Variants in MFSD2B observed in about 807,000 individuals in gnomAD.
MFSD2B encodes the protein sphingosine-1-phosphate transporter MFSD2B.
MFSD2B carries 56 observed loss-of-function variants against 58.4 expected under a neutral mutation model. The ratio of observed to expected loss-of-function variants is 0.96; its 90% CI spans 0.77 to 1.20. The LOEUF (loss-of-function observed/expected upper bound fraction) is 1.20, where lower values mean the gene tolerates loss of function less well. Ranked by LOEUF, MFSD2B falls within the 50% of genes most tolerant of loss-of-function variation. The probability of loss-of-function intolerance (pLI) is 0.00; values close to 1 mark genes in which losing one functional copy is unlikely to be tolerated. For missense variants in MFSD2B, 645 were observed against 667.6 expected (o/e 0.97, Z 0.37); for synonymous variants, 287 against 294.4 (o/e 0.97, Z 0.26).
Position 24,017,663 on chromosome 2 carries a change from T to C in MFSD2B, c.681+75T>C. ...GGTCACCTCCTTCCTCTAGGGCTGG[T>C]TCTCCCGTCCACACCACTTTGTTGT... On this transcript the variant is annotated intron_variant, in intron 6 of 13. Coordinates refer to ENST00000338315, the MANE Select transcript of MFSD2B (RefSeq NM_001346880.2). The surrounding 1 kb of genome is among the most constrained non-coding windows in gnomAD (Gnocchi z 4.8). 1 of 1,447,052 alleles carries C rather than the reference T, an allele frequency of 6.9e-7. No homozygotes were observed. The highest frequency in any genetic ancestry group is 9.3e-7 in the Non-Finnish European group (1 of 1,079,934). The allele number at this position is 1,447,052 out of a possible 1,614,324, so 89.6% of individuals were successfully genotyped here.
chr2:24,013,817 T>C (rs1242423691), intron 2 of MFSD2B, among the ~76,000 whole-genome samples: 2 of 151,662 alleles, frequency 1.3e-5, no homozygotes, highest in African/African-American at 2.4e-5. Flanking sequence ...TTTATGTGTT[T>C]ATATGTGGCC....
At position 24,022,981 on chromosome 2, in the gene MFSD2B, T is replaced by G; in HGVS notation, c.1059+79T>G. ...AGGTGACCTTGGTGCCTGAGCCTCC[T>G]GGGGCCAGCAGGGGTGGATCTGTGT... On this transcript the variant is annotated intron_variant, in intron 10 of 13. Coordinates refer to ENST00000338315, the MANE Select transcript of MFSD2B (RefSeq NM_001346880.2). The surrounding 1 kb of genome is among the most constrained non-coding windows in gnomAD (Gnocchi z 4.5). 6.9e-7 allele frequency: 1 copy of G among 1,439,452 alleles called. No individual in the cohort carries two copies. Among genetic ancestry groups the G allele is most frequent in the Non-Finnish European group, 9.6e-7 (1 of 1,037,080 alleles). The allele number at this position is 1,439,452 out of a possible 1,614,324, so 89.2% of individuals were successfully genotyped here.
chr2:24,021,524 C>T lies in MFSD2B; in HGVS notation c.682-124C>T, dbSNP rs1249200777. 5.4e-5 allele frequency: 44 copies of T among 813,368 alleles called. No individual in the cohort carries two copies. In the Admixed American group the frequency reaches 8.2e-4, roughly 15 times the overall value. The allele number at this position is 813,368 out of a possible 1,614,324, so 50.4% of individuals were successfully genotyped here. A position where few individuals can be genotyped will look rare whatever the true frequency, so the allele number is the denominator to read the frequency against. On this transcript the variant is annotated intron_variant, in intron 6 of 13. Transcript: ENST00000338315. This position sits in a 1 kb window ranked among gnomAD's most constrained non-coding sequence, Gnocchi z 5.7. Reference sequence around the variant, plus strand: ...GGGTGATTGGGAGGTGGGGACCCAGCGTCCTGGGCTTGGGTTGTGCCTCCC... The same window carrying T: ...GGGTGATTGGGAGGTGGGGACCCAGTGTCCTGGGCTTGGGTTGTGCCTCCC...
Position 24,017,222 on chromosome 2 carries a change from G to A in MFSD2B, c.472-64G>A. 1 of 1,498,446 alleles carries A rather than the reference G, an allele frequency of 6.7e-7. No individual in the cohort carries two copies. The highest frequency in any genetic ancestry group is 2.0e-5 in the Admixed American group (1 of 50,370). The allele number at this position is 1,498,446 out of a possible 1,614,324, so 92.8% of individuals were successfully genotyped here. Reference sequence around the variant, plus strand: ...GTGTCGGGATGTGACACCCAGGATGGGGGAGGTCGCCCGCTGTCACCAGGC... The same window carrying A: ...GTGTCGGGATGTGACACCCAGGATGAGGGAGGTCGCCCGCTGTCACCAGGC... On this transcript the variant is annotated intron_variant, in intron 4 of 13. Transcript: ENST00000338315. This position sits in a 1 kb window ranked among gnomAD's most constrained non-coding sequence, Gnocchi z 4.8.
At position 24,013,304 on chromosome 2, in the gene MFSD2B, T is replaced by C; in HGVS notation, c.116T>C (p.Leu39Pro). ...CTCCAGGACAGCAGAGCCGGTCGCC[T>C]CTCATTCTGTACAAAGGTGTGCTAT... ...RGREDSRAGR[L>P]SFCTKVCYGI... The change falls in exon 2 of 14, where the codon CTC becomes CCC. Residue 39 changes from leucine (L) to proline (P), a missense_variant. Leu to Pro is a moderately conservative substitution (Grantham distance 98). Coordinates refer to ENST00000338315, the MANE Select transcript of MFSD2B (RefSeq NM_001346880.2). 1 of 1,607,198 alleles carries C rather than the reference T, an allele frequency of 6.2e-7. No homozygotes were observed. The highest frequency in any genetic ancestry group is 1.1e-5 in the South Asian group (1 of 90,370).
intron 2 of MFSD2B, among the ~76,000 whole-genome samples, 163 bp from the exon 3 acceptor site, chr2:24,015,993 G>A (rs1709129699): frequency 6.6e-6 from 1 of 152,184 alleles, no homozygotes; most frequent in East Asian, 1.9e-4. Context: ...CCTGGACTCA[G>A]CCCCGGGATC....
chr2:24,016,425 C>T (rs978891948), intron 3 of MFSD2B, 145 bp downstream of exon 3: 1 of 904,698 alleles, frequency 1.1e-6, no homozygotes, highest in South Asian at 1.7e-5. Flanking sequence ...TGGGGACTGA[C>T]TGTGAGTGAT....
intron 6 of MFSD2B, chr2:24,018,717 GAA>G (rs550408376): frequency 4.6e-3 from 671 of 147,342 alleles, no homozygotes; most frequent in East Asian, 0.019. Flanking sequence ...TCCTTTTCTG[GAA>G]AAAAAAAAAA....
chr2:24,023,238 T>TGGTAGGCTGGGTGTGG lies in MFSD2B; in HGVS notation c.1169+2_1169+17dup. On this transcript the variant is annotated stop_gained and frameshift_variant and splice_region_variant, in exon 11 of 14. Coordinates refer to ENST00000338315, the MANE Select transcript of MFSD2B (RefSeq NM_001346880.2). LOFTEE classifies it high-confidence loss of function. The surrounding 1 kb of genome is among the most constrained non-coding windows in gnomAD (Gnocchi z 5.0). ...CATTGCTGTGTCCTTGCTGCTACCC[T>TGGTAGGCTGGGTGTGG]GGTAGGCTGGGTGTGGGGGCCTCAC... is the stretch of plus-strand genomic sequence containing the variant. 1 of 1,612,224 alleles carries TGGTAGGCTGGGTGTGG rather than the reference T, an allele frequency of 6.2e-7. No individual in the cohort carries two copies. The highest frequency in any genetic ancestry group is 8.5e-7 in the Non-Finnish European group (1 of 1,178,718).
chr2:24,017,612 C>T lies in MFSD2B; in HGVS notation c.681+24C>T. 1 of 1,530,806 alleles carries T rather than the reference C, an allele frequency of 6.5e-7. No homozygotes were observed. Among genetic ancestry groups the T allele is most frequent in the East Asian group, 2.4e-5 (1 of 40,886 alleles). 94.8% of individuals were successfully genotyped at this position (1,530,806 alleles called of 1,614,324 possible). Reference sequence around the variant, plus strand: ...CAGTAAGTGCACTGGGTGGCAAGGCCCCCCAACCTGGGGTCCCCTCTGCAG... The same window carrying T: ...CAGTAAGTGCACTGGGTGGCAAGGCTCCCCAACCTGGGGTCCCCTCTGCAG... On this transcript the variant is annotated intron_variant, in intron 6 of 13. Coordinates refer to ENST00000338315, the MANE Select transcript of MFSD2B (RefSeq NM_001346880.2). This position sits in a 1 kb window ranked among gnomAD's most constrained non-coding sequence, Gnocchi z 4.8.
chr2:24,016,651 G>A (rs1295145730), intron 3 of MFSD2B, among the ~76,000 whole-genome samples, 194 bp from the exon 4 acceptor site: 3 of 152,172 alleles, frequency 2.0e-5, no homozygotes, highest in Non-Finnish European at 2.9e-5. Flanking sequence ...GAGCTCCCAC[G>A]AGGAGTGGCC....
At chr2:24,014,311 C>G (rs1709063728) in intron 2 of MFSD2B, among the ~76,000 whole-genome samples, 1 of 152,070 alleles carries the variant, frequency 6.6e-6, no homozygotes, top group Non-Finnish European at 1.5e-5. Flanking sequence ...CGCGCCCAGT[C>G]TACAGCTAAT....
In MFSD2B at chr2:24,023,023, G is replaced by T; in HGVS notation, c.1060-107G>T. ...GATCTGTGTTCCCTTGAGTCTTTAG[G>T]GCCTAGCACAGGGCAAGGCATGGGG... is the stretch of plus-strand genomic sequence containing the variant. On this transcript the variant is annotated intron_variant, in intron 10 of 13. Coordinates refer to ENST00000338315, the MANE Select transcript of MFSD2B (RefSeq NM_001346880.2). The surrounding 1 kb of genome is among the most constrained non-coding windows in gnomAD (Gnocchi z 5.0). 7.5e-7 allele frequency: 1 copy of T among 1,339,496 alleles called. No homozygotes were observed. Among genetic ancestry groups the T allele is most frequent in the Non-Finnish European group, 1.1e-6 (1 of 941,828 alleles). The allele number at this position is 1,339,496 out of a possible 1,614,324, so 83.0% of individuals were successfully genotyped here.
At chr2:24,015,382 G>A (rs1445998445) in intron 2 of MFSD2B, among the ~76,000 whole-genome samples, 2 of 152,088 alleles carry the variant, frequency 1.3e-5, no homozygotes, top group East Asian at 3.9e-4. Context: ...AGCCCAAGAG[G>A]CAGTGGTTGC....
chr2:24,017,327 T>A lies in MFSD2B; in HGVS notation c.513T>A (p.Thr171=), dbSNP rs1230933902. 6.2e-7 allele frequency: 1 copy of A among 1,606,766 alleles called. No homozygotes were observed. The highest frequency in any genetic ancestry group is 2.2e-5 in the East Asian group (1 of 44,464). Residue 171 remains threonine, a synonymous_variant, in exon 5 of 14, where the codon ACT becomes ACA. Coordinates refer to ENST00000338315, the MANE Select transcript of MFSD2B (RefSeq NM_001346880.2). This position sits in a 1 kb window ranked among gnomAD's most constrained non-coding sequence, Gnocchi z 4.8. ...VPYTALTMLL[T]PCPRERDSAT... ...ACACAGCGCTCACCATGCTGCTGACTCCCTGCCCAAGGGAGCGGGACTCGG... is the reference window on the plus strand; with the variant it reads ...ACACAGCGCTCACCATGCTGCTGACACCCTGCCCAAGGGAGCGGGACTCGG...
In MFSD2B at chr2:24,025,449, T is replaced by C; in HGVS notation, c.1508T>C (p.Leu503Pro). ...TCCCACAGGAGGACCAGCTACAGCCTGGCCTAAAGCTTAGGAGGGCGACTG... is the reference window on the plus strand; with the variant it reads ...TCCCACAGGAGGACCAGCTACAGCCCGGCCTAAAGCTTAGGAGGGCGACTG... ...LSLRRRTSYS[L>P]A The change falls in exon 14 of 14, where the codon CTG (leucine) becomes CCG (proline). Residue 503 changes from leucine (L) to proline (P), a missense_variant. Coordinates refer to ENST00000338315, the MANE Select transcript of MFSD2B (RefSeq NM_001346880.2). 6.5e-7 allele frequency: 1 copy of C among 1,536,106 alleles called. No homozygotes were observed. Among genetic ancestry groups the C allele is most frequent in the Non-Finnish European group, 8.7e-7 (1 of 1,146,876 alleles).
In MFSD2B at chr2:24,013,387, C is replaced by A. The variant is rs763064150; in HGVS notation, c.199C>A (p.Leu67Ile). ...CAGCGCCACAGCCTTTTACCTGCAG[C>A]TTTTCCTGCTTGATATAGCACAGGT... ...ASSATAFYLQLFLLDIAQIPA... is the reference protein window; with the variant it reads ...ASSATAFYLQIFLLDIAQIPA... Residue 67 changes from leucine to isoleucine, a missense_variant, in exon 2 of 14, where the codon CTT becomes ATT. Transcript: ENST00000338315. The A allele has an allele frequency of 4.4e-6, 7 of 1,608,796 alleles. No individual in the cohort carries two copies. Among genetic ancestry groups the A allele is most frequent in the Non-Finnish European group, 5.9e-6 (7 of 1,177,750 alleles).
intron 6 of MFSD2B, among the ~76,000 whole-genome samples, chr2:24,018,927 T>C (rs572938939): frequency 7.5e-4 from 110 of 146,670 alleles, no homozygotes; most frequent in African/African-American, 2.7e-3. Context: ...CTCGGCTCAC[T>C]GCAACCTCCG....
chr2:24,023,023 G>A lies in MFSD2B; in HGVS notation c.1060-107G>A, dbSNP rs1662853043. On this transcript the variant is annotated intron_variant, in intron 10 of 13. Transcript: ENST00000338315. This position sits in a 1 kb window ranked among gnomAD's most constrained non-coding sequence, Gnocchi z 5.0. ...GATCTGTGTTCCCTTGAGTCTTTAG[G>A]GCCTAGCACAGGGCAAGGCATGGGG... 3 of 1,339,494 alleles carry A rather than the reference G, an allele frequency of 2.2e-6. No individual in the cohort carries two copies. Among genetic ancestry groups the A allele is most frequent in the Non-Finnish European group, 3.2e-6 (3 of 941,826 alleles). 83.0% of individuals were successfully genotyped at this position (1,339,494 alleles called of 1,614,324 possible).
Sources: gnomAD v4.1 joint callset for allele counts (sites outside exome capture counted in the v4.1 genomes callset) on GRCh38, gnomAD v4.1.1 for gene constraint, Gnocchi (gnomAD v3.1) non-coding constraint, MANE v1.5 for transcripts, NCBI Gene and HGNC (gene_info 2026-07-23, HGNC 2026-07-21) for gene names.